Variants in RIMBP2 observed in about 807,000 individuals in gnomAD.
RIMBP2 encodes the protein RIMS-binding protein 2.
In RIMBP2, 48 loss-of-function variants were observed where a neutral mutation model predicts 118.6. That is an observed-to-expected ratio of 0.40 (90% CI 0.32 to 0.51). The LOEUF (loss-of-function observed/expected upper bound fraction) is 0.51. Ranked by LOEUF, RIMBP2 falls within the 20% of genes least tolerant of loss-of-function variation. The probability of loss-of-function intolerance (pLI) is 0.41; values close to 1 mark genes in which losing one functional copy is unlikely to be tolerated. For missense variants in RIMBP2, 1,551 were observed against 1,768.3 expected, an observed-to-expected ratio of 0.88 and a Z score of 2.20; for synonymous variants, 762 against 742.9, an observed-to-expected ratio of 1.03 and a Z score of -0.42.
chr12:130,692,708 T>C (rs1336709053), intron 1 of RIMBP2, among the ~76,000 whole-genome samples: 1 of 151,486 alleles, frequency 6.6e-6, no homozygotes, highest in African/African-American at 2.4e-5. Flanking sequence ...AAACTAAACA[T>C]GGAATGGGAT....
At chr12:130,518,460 A>T (rs1004024329) in intron 2 of RIMBP2, among the ~76,000 whole-genome samples, 5 of 152,242 alleles carry the variant, frequency 3.3e-5, no homozygotes, top group African/African-American at 1.2e-4. Context: ...CCAAGATTCA[A>T]TGTATTCCAC....
chr12:130,501,379 T>C (rs2049758966), intron 4 of RIMBP2, among the ~76,000 whole-genome samples: 1 of 152,136 alleles, frequency 6.6e-6, no homozygotes, highest in South Asian at 2.1e-4. Context: ...TGACATAAAC[T>C]GATTGAAAAC....
At chr12:130,549,537 T>C (rs569038140) in intron 2 of RIMBP2, among the ~76,000 whole-genome samples, 7 of 152,204 alleles carry the variant, frequency 4.6e-5, no homozygotes, top group Non-Finnish European at 2.9e-5. Flanking sequence ...TAGGCCCCAG[T>C]GTCTGCTGTT....
intron 1 of RIMBP2, among the ~76,000 whole-genome samples, chr12:130,656,629 C>T (rs1004496361): frequency 2.0e-5 from 3 of 152,114 alleles, no homozygotes; most frequent in Admixed American, 6.5e-5. Context: ...CGCTTGTGAG[C>T]GACCTCCCCG....
At chr12:130,632,080 T>C (rs1398363017) in intron 1 of RIMBP2, among the ~76,000 whole-genome samples, 1 of 152,254 alleles carries the variant, frequency 6.6e-6, no homozygotes, top group Non-Finnish European at 1.5e-5. Context: ...TCAACTGATG[T>C]AACACCACTG....
intron 2 of RIMBP2, among the ~76,000 whole-genome samples, chr12:130,568,775 CAA>C (rs1440256823): frequency 6.6e-6 from 1 of 152,216 alleles, no homozygotes; most frequent in Admixed American, 6.5e-5. Context: ...CGCTATTTCA[CAA>C]ACTCTTTTTT....
At chr12:130,680,311 G>A (rs372685409) in intron 1 of RIMBP2, among the ~76,000 whole-genome samples, 14 of 152,336 alleles carry the variant, frequency 9.2e-5, no homozygotes, top group African/African-American at 3.1e-4. Context: ...GACTTGGCTT[G>A]TAAGAGTAAG....
chr12:130,618,492 G>A (rs112579355), intron 2 of RIMBP2, among the ~76,000 whole-genome samples: 3,547 of 152,186 alleles, frequency 0.023, 139 homozygotes, highest in African/African-American at 0.081. Flanking sequence ...TAGGTTTCTC[G>A]CCCTCCCTGA....
chr12:130,615,900 C>A (rs2060901317), intron 2 of RIMBP2, among the ~76,000 whole-genome samples: 2 of 152,130 alleles, frequency 1.3e-5, no homozygotes, highest in Non-Finnish European at 2.9e-5. Flanking sequence ...CTGAGCCCAC[C>A]CAGACAAGCT....
At chr12:130,590,385 G>A (rs1414925518) in intron 2 of RIMBP2, among the ~76,000 whole-genome samples, 3 of 152,104 alleles carry the variant, frequency 2.0e-5, no homozygotes, top group African/African-American at 4.8e-5. Context: ...AGAGGCCAGC[G>A]GTCCCCAAAT....
intron 2 of RIMBP2, among the ~76,000 whole-genome samples, chr12:130,587,702 A>C (rs1593924064): frequency 1.1e-5 from 1 of 90,736 alleles, no homozygotes; most frequent in African/African-American, 4.6e-5. Context: ...GGGGGGAGGG[A>C]TAGCATTGGG....
At chr12:130,460,156 C>T (rs1026163665) in intron 6 of RIMBP2, among the ~76,000 whole-genome samples, 6 of 152,152 alleles carry the variant, frequency 3.9e-5, no homozygotes, top group African/African-American at 7.2e-5. Flanking sequence ...GCACAGGGGC[C>T]GCTGTGTCAT....
rs1408408667 is a variant in RIMBP2, at chr12:130,428,468, G to A, written c.2254-131C>T. On this transcript the variant is annotated intron_variant, in intron 14 of 22. Transcript: ENST00000690449. ...CTCACAGGCCTAGAGACGGGCACAG[G>A]GTGTGTGTTACTCGTTCTGGAAAGT... The A allele has an allele frequency of 2.5e-5, 22 of 882,940 alleles. 1 individual carries two copies. The East Asian group carries it at 5.7e-4, about 23-fold the overall frequency. 54.7% of individuals were successfully genotyped at this position (882,940 alleles called of 1,614,324 possible).
At chr12:130,403,672 C>T (rs1028024017) in intron 21 of RIMBP2, among the ~76,000 whole-genome samples, 3 of 69,210 alleles carry the variant, frequency 4.3e-5, no homozygotes, top group Non-Finnish European at 6.3e-5. Context: ...TTAATCTCCT[C>T]TAAAGCATAG....
chr12:130,531,090 AATCTATCTTCTGCTC>A (rs2053323195), intron 2 of RIMBP2, among the ~76,000 whole-genome samples: 1 of 152,232 alleles, frequency 6.6e-6, no homozygotes, highest in African/African-American at 2.4e-5. Flanking sequence ...TTTAGATCCA[AATCTATCTTCTGCTC>A]ATCAAGTGAT....
In RIMBP2 at chr12:130,447,486, G is replaced by A. The variant is rs1458271835; in HGVS notation, c.582-2217C>T. ...GGGGTCACGCAGCGCTGGAGGCGGG[G>A]GAGGAGGGACAGGTGATCACTGATG... On this transcript the variant is annotated intron_variant, in intron 9 of 22. Coordinates refer to ENST00000690449, the MANE Select transcript of RIMBP2 (RefSeq NM_001393629.1). This position sits in a 1 kb window ranked among gnomAD's most constrained non-coding sequence, Gnocchi z 4.4. Among the ~76,000 whole-genome samples, 1 of 152,142 alleles carries A rather than the reference G, an allele frequency of 6.6e-6. No individual in the cohort carries two copies. Among genetic ancestry groups the A allele is most frequent in the Non-Finnish European group, 1.5e-5 (1 of 68,034 alleles).
intron 1 of RIMBP2, among the ~76,000 whole-genome samples, chr12:130,704,836 G>C (rs1166606023): frequency 6.6e-6 from 1 of 152,142 alleles, no homozygotes; most frequent in South Asian, 2.1e-4. Flanking sequence ...TCCTGGCATC[G>C]CTGCTCTCTA....
At chr12:130,495,014 C>A (rs2049011677) in intron 4 of RIMBP2, among the ~76,000 whole-genome samples, 2 of 151,276 alleles carry the variant, frequency 1.3e-5, no homozygotes, top group South Asian at 4.2e-4. Context: ...CCAGAAGACA[C>A]CTCACTCCCA....
At chr12:130,438,335 A>ACCGGGGCCC in intron 12 of RIMBP2, 30 bp downstream of exon 12, 1 of 865,012 alleles carries the variant, frequency 1.2e-6, no homozygotes, top group Non-Finnish European at 1.9e-6. Context: ...GGCCTAACAA[A>ACCGGGGCCC]CCCTCCCCAC....
Sources: gnomAD v4.1 joint callset for allele counts (sites outside exome capture counted in the v4.1 genomes callset) on GRCh38, gnomAD v4.1.1 for gene constraint, Gnocchi (gnomAD v3.1) non-coding constraint, MANE v1.5 for transcripts, NCBI Gene and HGNC (gene_info 2026-07-23, HGNC 2026-07-21) for gene names.